The following MARCHF1 variants were observed in gnomAD, a reference collection of about 807,000 sequenced individuals.
The protein encoded by MARCHF1 is membrane associated ring-CH-type finger 1, also known as E3 ubiquitin-protein ligase MARCHF1.
MARCHF1 carries 40 observed loss-of-function variants against 54.2 expected under a neutral mutation model. That is an observed-to-expected ratio of 0.74 (90% CI 0.57 to 0.96). The LOEUF is 0.96. MARCHF1 is among the 40% of genes least tolerant of loss of function. The pLI is 0.00. For missense variants in MARCHF1, 586 were observed against 656.5 expected, an observed-to-expected ratio of 0.89 and a Z score of 1.17; for synonymous variants, 236 against 236.3, an observed-to-expected ratio of 1.00 and a Z score of 0.01.
chr4:163,620,219 C>T (rs1229835947), intron 5 of MARCHF1, among the ~76,000 whole-genome samples: 5 of 152,092 alleles, frequency 3.3e-5, no homozygotes, highest in South Asian at 2.1e-4. Flanking sequence ...ATGGTATCCA[C>T]GTTAACTTAT....
chr4:163,747,575 G>A (rs1225224412), intron 4 of MARCHF1, among the ~76,000 whole-genome samples: 3 of 152,116 alleles, frequency 2.0e-5, no homozygotes, highest in Non-Finnish European at 1.5e-5. Flanking sequence ...TGACGGGATT[G>A]AATATATAAG....
intron 2 of MARCHF1, among the ~76,000 whole-genome samples, chr4:164,002,054 G>T (rs1398462255): frequency 6.6e-6 from 1 of 151,496 alleles, no homozygotes; most frequent in Non-Finnish European, 1.5e-5. Context: ...CCTAAATAAA[G>T]ATTAAAACAA....
intron 1 of MARCHF1, among the ~76,000 whole-genome samples, chr4:164,294,129 A>T (rs1468741297): frequency 6.6e-6 from 1 of 152,124 alleles, no homozygotes; most frequent in African/African-American, 2.4e-5. Flanking sequence ...GGACTCTTGG[A>T]CTTACACACC....
chr4:164,117,492 A>G (rs980393298), intron 1 of MARCHF1, among the ~76,000 whole-genome samples: 2 of 152,008 alleles, frequency 1.3e-5, no homozygotes, highest in African/African-American at 4.8e-5. Flanking sequence ...TCTCTTTCCA[A>G]TGAATAAAGA....
intron 7 of MARCHF1, among the ~76,000 whole-genome samples, chr4:163,594,331 A>G (rs929538572): frequency 6.6e-6 from 1 of 151,926 alleles, no homozygotes; most frequent in African/African-American, 2.4e-5. Context: ...CTCCAACTAA[A>G]TACAATATTT....
Position 163,720,710 on chromosome 4 carries a change from G to A in MARCHF1, c.112-19847C>T, listed in dbSNP as rs554202150. ...GTGTCCTCTTTTACTTCACTGAGCT[G>A]TGGTTTGTAGTTCTCCTTGAAGAGG... is the stretch of plus-strand genomic sequence containing the variant. On this transcript the variant is annotated intron_variant, in intron 4 of 9. Coordinates refer to ENST00000514618, the MANE Select transcript of MARCHF1 (RefSeq NM_001394959.1). 2.6e-5 allele frequency among the ~76,000 whole-genome samples: 4 copies of A among 152,280 alleles called. No individual in the cohort carries two copies. In the South Asian group the frequency reaches 6.2e-4, roughly 24 times the overall value.
At chr4:163,871,928 T>A (rs1397190070) in intron 3 of MARCHF1, among the ~76,000 whole-genome samples, 5 of 152,206 alleles carry the variant, frequency 3.3e-5, no homozygotes, top group Non-Finnish European at 5.9e-5. Flanking sequence ...CCAAAACAAT[T>A]GAGTTTTATT....
At chr4:163,918,944 A>T (rs567084173) in intron 3 of MARCHF1, among the ~76,000 whole-genome samples, 1 of 152,176 alleles carries the variant, frequency 6.6e-6, no homozygotes, top group South Asian at 2.1e-4. Flanking sequence ...CTGTCGCCTG[A>T]ATATATGTGA....
intron 4 of MARCHF1, among the ~76,000 whole-genome samples, chr4:163,768,247 G>A (rs535195293): frequency 5.5e-4 from 84 of 152,050 alleles, no homozygotes; most frequent in Non-Finnish European, 1.1e-3. Flanking sequence ...TTCTCAGTTG[G>A]AGATCCTCAC....
intron 8 of MARCHF1, among the ~76,000 whole-genome samples, chr4:163,546,937 T>C (rs1738932478): frequency 6.6e-6 from 1 of 152,254 alleles, no homozygotes; most frequent in Non-Finnish European, 1.5e-5. Flanking sequence ...TATTTTTCTT[T>C]GCATTCTTTC....
chr4:163,812,583 C>A (rs1748423043), intron 4 of MARCHF1, among the ~76,000 whole-genome samples: 2 of 152,174 alleles, frequency 1.3e-5, no homozygotes, highest in East Asian at 3.9e-4. Flanking sequence ...CATGGTGAAA[C>A]CCTGTCTCTT....
intron 7 of MARCHF1, among the ~76,000 whole-genome samples, chr4:163,605,510 G>T (rs1257067360): frequency 6.6e-6 from 1 of 152,136 alleles, no homozygotes. Flanking sequence ...ATTCCTCAAG[G>T]ATTTAGAACC....
intron 4 of MARCHF1, among the ~76,000 whole-genome samples, chr4:163,709,766 A>C (rs1372380991): frequency 6.6e-6 from 1 of 152,210 alleles, no homozygotes; most frequent in Non-Finnish European, 1.5e-5. Context: ...TGTGATGGTA[A>C]GAAAATCACA....
At chr4:164,141,636 G>A (rs560575464) in intron 1 of MARCHF1, among the ~76,000 whole-genome samples, 13 of 152,340 alleles carry the variant, frequency 8.5e-5, no homozygotes, top group African/African-American at 2.6e-4. Context: ...CGGTGCGCAA[G>A]CTTTGGGGAA....
chr4:164,190,011 A>C, intron 1 of MARCHF1: 1 of 1,435,804 alleles, frequency 7.0e-7, no homozygotes, highest in South Asian at 1.1e-5. Flanking sequence ...TGATGCTGAG[A>C]AGTTTGCTGA....
At chr4:164,001,505 G>A (rs572311343) in intron 2 of MARCHF1, among the ~76,000 whole-genome samples, 26 of 151,824 alleles carry the variant, frequency 1.7e-4, no homozygotes, top group Admixed American at 7.9e-4. Context: ...TGCAACTGTC[G>A]CTATAAACTA....
chr4:163,695,841 C>T (rs1197793439), intron 5 of MARCHF1, among the ~76,000 whole-genome samples: 1 of 151,990 alleles, frequency 6.6e-6, no homozygotes, highest in Non-Finnish European at 1.5e-5. Context: ...AAATAAAAGG[C>T]AAGATTTGGC....
intron 4 of MARCHF1, chr4:163,828,985 T>G (rs1439007647): frequency 1.3e-5 from 2 of 152,310 alleles, no homozygotes; most frequent in East Asian, 3.9e-4. Context: ...AAATGAACAT[T>G]CAGGTTCAGG....
At chr4:164,261,657 C>G (rs1308957727) in intron 1 of MARCHF1, among the ~76,000 whole-genome samples, 2 of 152,116 alleles carry the variant, frequency 1.3e-5, no homozygotes, top group Admixed American at 6.5e-5. Flanking sequence ...GAATGCTTTC[C>G]CATCAGCTCT....
Sources: gnomAD v4.1 joint callset for allele counts (sites outside exome capture counted in the v4.1 genomes callset) on GRCh38, gnomAD v4.1.1 for gene constraint, MANE v1.5 for transcripts, NCBI Gene and HGNC (gene_info 2026-07-23, HGNC 2026-07-21) for gene names.